SUFU: variants seen among roughly 807,000 people sequenced by gnomAD.
The protein encoded by SUFU is suppressor of fused homolog.
Under a neutral mutation model 58.9 loss-of-function variants are expected in SUFU, and 7 were observed. The ratio of observed to expected loss-of-function variants is 0.12; its 90% CI spans 0.07 to 0.22. The LOEUF (loss-of-function observed/expected upper bound fraction) is 0.22. Ranked by LOEUF, SUFU falls within the 10% of genes least tolerant of loss-of-function variation. The probability of loss-of-function intolerance (pLI) is 1.00; values close to 1 mark genes in which losing one functional copy is unlikely to be tolerated. For synonymous variants in SUFU, 232 were observed against 254.8 expected (o/e 0.91, Z 0.85); for missense variants, 451 against 641.3 (o/e 0.70, Z 3.20).
intron 8 of SUFU, among the ~76,000 whole-genome samples, chr10:102,614,185 A>G (rs2063657390): frequency 6.6e-6 from 1 of 152,210 alleles, no homozygotes; most frequent in Non-Finnish European, 1.5e-5. Flanking sequence ...CAGAGGCTCC[A>G]GGGCAGGAGA....
At chr10:102,569,994 T>C (rs2063143478) in intron 3 of SUFU, among the ~76,000 whole-genome samples, 1 of 152,170 alleles carries the variant, frequency 6.6e-6, no homozygotes, top group African/African-American at 2.4e-5. Context: ...GGTCTTCCCA[T>C]ATGGAAAAGG....
chr10:102,602,467 G>A (rs943974789), intron 8 of SUFU, among the ~76,000 whole-genome samples: 2 of 152,092 alleles, frequency 1.3e-5, no homozygotes, highest in Non-Finnish European at 2.9e-5. Flanking sequence ...AAGCTTATTG[G>A]GCTTATTTAA....
intron 3 of SUFU, among the ~76,000 whole-genome samples, chr10:102,561,918 G>A (rs527391105): frequency 6.6e-6 from 1 of 152,118 alleles, no homozygotes; most frequent in South Asian, 2.1e-4. Context: ...ATCTGCCCAT[G>A]TTGGCCTCCC....
At chr10:102,569,264 G>C (rs1564686124) in intron 3 of SUFU, among the ~76,000 whole-genome samples, 2 of 152,056 alleles carry the variant, frequency 1.3e-5, no homozygotes, top group Admixed American at 6.6e-5. Context: ...CCCTGCCGCG[G>C]CTGCCACTGT....
intron 8 of SUFU, among the ~76,000 whole-genome samples, chr10:102,601,135 GA>G (rs1372509038): frequency 6.6e-6 from 1 of 152,208 alleles, no homozygotes; most frequent in Non-Finnish European, 1.5e-5. Flanking sequence ...TCTGCCTCTG[GA>G]AGCCTGGGGT....
At chr10:102,620,831 C>T (rs766537628) in intron 10 of SUFU, among the ~76,000 whole-genome samples, 83 of 152,278 alleles carry the variant, frequency 5.5e-4, no homozygotes, top group Middle Eastern at 3.4e-3. Context: ...GTTGTTCATC[C>T]GTCCCCAGCC....
Position 102,544,569 on chromosome 10 carries a change from C to T in SUFU, c.318-5401C>T, listed in dbSNP as rs374654682. Among the ~76,000 whole-genome samples, 70 of 152,174 alleles carry T rather than the reference C, an allele frequency of 4.6e-4. 1 individual carries two copies. Among genetic ancestry groups the T allele is most frequent in the East Asian group, 2.9e-3 (15 of 5,176 alleles). On this transcript the variant is annotated intron_variant, in intron 2 of 11. Transcript: ENST00000369902. ...TACAAAAATTAATGGTGTGGTGGCA[C>T]GCGCCTGTAGTCCCAACTACTTGGG...
At chr10:102,523,145 C>T (rs1159967602) in intron 2 of SUFU, among the ~76,000 whole-genome samples, 1 of 152,158 alleles carries the variant, frequency 6.6e-6, no homozygotes, top group Admixed American at 6.5e-5. Flanking sequence ...TCACTGGACT[C>T]CAGGCCCCTA....
chr10:102,580,029 A>ACCCCCCGCCC (rs2063257965), intron 3 of SUFU, among the ~76,000 whole-genome samples: 1 of 84,664 alleles, frequency 1.2e-5, no homozygotes, highest in Non-Finnish European at 2.5e-5. Flanking sequence ...CCTCCCCCGC[A>ACCCCCCGCCC]CCCCCCCCCC....
intron 3 of SUFU, among the ~76,000 whole-genome samples, chr10:102,571,599 A>G (rs1590041687): frequency 6.6e-6 from 1 of 152,382 alleles, no homozygotes; most frequent in African/African-American, 2.4e-5. Flanking sequence ...CTAAGGCAGG[A>G]GAATCATTTG....
At chr10:102,572,391 T>C (rs1279372406) in intron 3 of SUFU, among the ~76,000 whole-genome samples, 1 of 113,672 alleles carries the variant, frequency 8.8e-6, no homozygotes, top group East Asian at 3.6e-4. Flanking sequence ...CCTTTTTCTT[T>C]CTTTTTTTTT....
intron 2 of SUFU, among the ~76,000 whole-genome samples, chr10:102,530,068 C>T (rs1297571168): frequency 2.0e-5 from 3 of 152,142 alleles, no homozygotes; most frequent in African/African-American, 7.2e-5. Flanking sequence ...GTGTTCTTCT[C>T]CCAGTTTTAC....
intron 1 of SUFU, among the ~76,000 whole-genome samples, chr10:102,507,601 T>C (rs2062343170): frequency 6.6e-6 from 1 of 152,264 alleles, no homozygotes; most frequent in Non-Finnish European, 1.5e-5. Flanking sequence ...ATAAATAACT[T>C]AGCATTTCCT....
chr10:102,608,603 A>G (rs931706301), intron 8 of SUFU, among the ~76,000 whole-genome samples: 4 of 152,188 alleles, frequency 2.6e-5, no homozygotes, highest in East Asian at 1.9e-4. Context: ...TGTGGACCCA[A>G]TTCTGACCAG....
intron 8 of SUFU, among the ~76,000 whole-genome samples, chr10:102,605,178 A>ATG (rs2063551719): frequency 2.0e-5 from 3 of 151,426 alleles, no homozygotes; most frequent in African/African-American, 7.3e-5. Flanking sequence ...CAGCCTCCCA[A>ATG]AGTGCTGGGA....
intron 2 of SUFU, among the ~76,000 whole-genome samples, chr10:102,528,698 C>G (rs374394849): frequency 1.3e-5 from 2 of 152,172 alleles, no homozygotes; most frequent in African/African-American, 4.8e-5. Context: ...GATTCTCAGC[C>G]GAATCAGTGC....
At chr10:102,529,265 C>T (rs752327747) in intron 2 of SUFU, among the ~76,000 whole-genome samples, 3 of 152,102 alleles carry the variant, frequency 2.0e-5, no homozygotes, top group Non-Finnish European at 4.4e-5. Context: ...GTTGTAATGG[C>T]TGTGACTCAA....
Position 102,541,457 on chromosome 10 carries a change from G to A in SUFU, c.318-8513G>A, listed in dbSNP as rs1315917832. On this transcript the variant is annotated intron_variant, in intron 2 of 11. Transcript: ENST00000369902. ...TCTGTCACCCAGGCTGGAGTGCAGTGGTGCGATCTCGGCTCACTGCAACCT... is the reference window on the plus strand; with the variant it reads ...TCTGTCACCCAGGCTGGAGTGCAGTAGTGCGATCTCGGCTCACTGCAACCT... Among the ~76,000 whole-genome samples, 8 of 151,002 alleles carry A rather than the reference G, an allele frequency of 5.3e-5. 1 individual carries two copies. Among genetic ancestry groups the A allele is most frequent in the African/African-American group, 1.9e-4 (8 of 41,106 alleles).
rs902938094 is a variant in SUFU at position 102,618,218 on chromosome 10, A to T, written c.1296+790A>T. The T allele has an allele frequency of 2.0e-5, 3 of 152,432 alleles. No individual in the cohort carries two copies. In the South Asian group the frequency reaches 6.2e-4, roughly 31 times the overall value. The allele number at this position is 152,432 out of a possible 1,614,324, so 9.4% of individuals were successfully genotyped here. On this transcript the variant is annotated intron_variant, in intron 10 of 11. Coordinates refer to ENST00000369902, the MANE Select transcript of SUFU (RefSeq NM_016169.4). Reference sequence around the variant, plus strand: ...GAACCCTTAACCTCACCTCGCTCGCAAGTATCAAGAAAGGGAACCTGACCC... The same window carrying T: ...GAACCCTTAACCTCACCTCGCTCGCTAGTATCAAGAAAGGGAACCTGACCC...
Sources: gnomAD v4.1 joint callset for allele counts (sites outside exome capture counted in the v4.1 genomes callset) on GRCh38, gnomAD v4.1.1 for gene constraint, MANE v1.5 for transcripts, NCBI Gene and HGNC (gene_info 2026-07-23, HGNC 2026-07-21) for gene names.